FILIP1L: variants seen among roughly 807,000 people sequenced by gnomAD.
FILIP1L encodes filamin A interacting protein 1 like, also known as filamin A-interacting protein 1-like.
Under a neutral mutation model 96.6 loss-of-function variants are expected in FILIP1L, and 55 were observed. That is an observed-to-expected ratio of 0.57 (90% confidence interval 0.46 to 0.71). The LOEUF is 0.71. Among genes scored for constraint, FILIP1L ranks in the 30% least tolerant of loss-of-function variants. The probability of loss-of-function intolerance (pLI) is 0.00; values close to 1 mark genes in which losing one functional copy is unlikely to be tolerated. For synonymous variants in FILIP1L, 467 were observed against 473.9 expected (o/e 0.99, Z 0.19); for missense variants, 1,304 against 1,321.2 (o/e 0.99, Z 0.20).
intron 4 of FILIP1L, among the ~76,000 whole-genome samples, chr3:99,885,680 T>C (rs1481626137): frequency 6.6e-6 from 1 of 152,222 alleles, no homozygotes; most frequent in Admixed American, 6.5e-5. Flanking sequence ...TATATCTCTG[T>C]CATCTATTTG....
intron 1 of FILIP1L, among the ~76,000 whole-genome samples, chr3:99,997,996 C>T (rs1258020638): frequency 1.3e-5 from 2 of 152,198 alleles, no homozygotes; most frequent in African/African-American, 2.4e-5. Context: ...CAGGTTCCTG[C>T]TAGAGCATAG....
At chr3:99,960,588 T>C (rs1442048396) in intron 1 of FILIP1L, among the ~76,000 whole-genome samples, 1 of 152,220 alleles carries the variant, frequency 6.6e-6, no homozygotes. Flanking sequence ...CATCTTCTTC[T>C]ATCCCTCCCT....
intron 1 of FILIP1L, among the ~76,000 whole-genome samples, chr3:99,968,330 G>A (rs1046437770): frequency 6.6e-6 from 1 of 151,966 alleles, no homozygotes; most frequent in East Asian, 1.9e-4. Context: ...TTAGGGGTAC[G>A]AGTGAGAAAC....
chr3:99,936,275 A>G (rs1384825130), intron 1 of FILIP1L, among the ~76,000 whole-genome samples: 1 of 151,250 alleles, frequency 6.6e-6, no homozygotes, highest in Non-Finnish European at 1.5e-5. Context: ...GGTAGCTAAC[A>G]TGTATTCATT....
At chr3:99,951,404 C>T (rs142174774) in intron 1 of FILIP1L, among the ~76,000 whole-genome samples, 67 of 152,234 alleles carry the variant, frequency 4.4e-4, no homozygotes, top group African/African-American at 1.4e-3. Context: ...GGATACCTTG[C>T]GCATAGTATG....
chr3:99,986,149 A>G (rs190409140), intron 1 of FILIP1L, among the ~76,000 whole-genome samples: 23 of 152,332 alleles, frequency 1.5e-4, no homozygotes, highest in Admixed American at 3.9e-4. Context: ...AATTGTTTTT[A>G]TTTTAATAAG....
chr3:100,032,757 T>C (rs190602080), intron 1 of FILIP1L, among the ~76,000 whole-genome samples: 29 of 152,340 alleles, frequency 1.9e-4, no homozygotes, highest in Non-Finnish European at 3.5e-4. Flanking sequence ...AACTCACTTA[T>C]AACAATTGCA....
intron 4 of FILIP1L, among the ~76,000 whole-genome samples, chr3:99,893,454 C>T (rs1223410368): frequency 6.6e-6 from 1 of 152,114 alleles, no homozygotes; most frequent in African/African-American, 2.4e-5. Context: ...CTTGAGCCAC[C>T]TCGCCCAGCC....
intron 4 of FILIP1L, among the ~76,000 whole-genome samples, chr3:99,854,575 G>A (rs1360724805): frequency 1.3e-5 from 2 of 152,050 alleles, no homozygotes; most frequent in Non-Finnish European, 2.9e-5. Context: ...TTGATATTTG[G>A]GGCCAGATAA....
intron 4 of FILIP1L, among the ~76,000 whole-genome samples, chr3:99,892,084 A>C (rs574795741): frequency 6.6e-6 from 1 of 152,354 alleles, no homozygotes; most frequent in Non-Finnish European, 1.5e-5. Context: ...AGCTTCTGCT[A>C]TGCTTTTACC....
intron 1 of FILIP1L, among the ~76,000 whole-genome samples, chr3:100,085,615 A>T (rs1387664217): frequency 1.5e-4 from 23 of 152,076 alleles, no homozygotes; most frequent in Admixed American, 1.4e-3. Flanking sequence ...GGCAAATAAC[A>T]TCCTCAAGCT....
At chr3:100,007,032 T>C (rs1271018564) in intron 1 of FILIP1L, among the ~76,000 whole-genome samples, 1 of 152,248 alleles carries the variant, frequency 6.6e-6, no homozygotes, top group East Asian at 1.9e-4. Context: ...GCTTTCTTAG[T>C]GCCTTAGCTG....
rs566961988 is a variant in FILIP1L at position 99,849,681 on chromosome 3, A to G, written c.1995T>C (p.Asn665=). 6.2e-7 allele frequency: 1 copy of G among 1,613,510 alleles called. No individual in the cohort carries two copies. The highest frequency in any genetic ancestry group is 1.3e-5 in the African/African-American group (1 of 75,010). Residue 665 remains asparagine, a synonymous_variant, in exon 5 of 6, where the codon AAT becomes AAC. Transcript: ENST00000477258. ...EYETLERRYA[N]ERDKAQFLSK... is the part of the protein sequence containing the mutation. ...ATAAAAATTGAGCTTTGTCTCGTTC[A>G]TTAGCATACCTTCGTTCTAGAGTCT...
intron 1 of FILIP1L, among the ~76,000 whole-genome samples, chr3:100,062,145 T>A (rs2065581318): frequency 7.5e-6 from 1 of 133,960 alleles, no homozygotes; most frequent in Non-Finnish European, 1.6e-5. Flanking sequence ...GGAGTGTTGC[T>A]CTGTCCCCCA....
chr3:99,875,970 T>G, intron 4 of FILIP1L: 1 of 784,306 alleles, frequency 1.3e-6, no homozygotes, highest in Non-Finnish European at 1.5e-6. Context: ...CTGTCTGCAG[T>G]TTGTGATGCT....
rs1942601883 is a variant in FILIP1L at position 99,829,379 on chromosome 3, G to A, written c.*1035C>T. Among the ~76,000 whole-genome samples the A allele has an allele frequency of 1.3e-5, 2 of 152,186 alleles. No individual in the cohort carries two copies. The highest frequency in any genetic ancestry group is 2.9e-5 in the Non-Finnish European group (2 of 68,036). On this transcript the variant is annotated 3_prime_UTR_variant, in exon 6 of 6. Transcript: ENST00000477258. The stretch of plus-strand genomic sequence containing the variant: ...TCAATTCAATGAGAGAGTTTTCAGT[G>A]TGATGTAAAGAATTGCTTTAGCTTT...
In FILIP1L at chr3:100,086,039, ATGATTCG is replaced by A. The variant is rs1392082685; in HGVS notation, c.-11+28007_-11+28013del. On this transcript the variant is annotated intron_variant, in intron 1 of 5. Transcript: ENST00000477258. Reference sequence around the variant, plus strand: ...AAGTACATCTGCATTTGAATAAAATATGATTCGTGTTAGAGAGCTAAACTTGATGTTT... The same window carrying A: ...AAGTACATCTGCATTTGAATAAAATATGTTAGAGAGCTAAACTTGATGTTT... Among the ~76,000 whole-genome samples the A allele has an allele frequency of 4.6e-5, 7 of 152,360 alleles. No individual in the cohort carries two copies. The East Asian group carries it at 1.3e-3, about 29-fold the overall frequency.
chr3:100,089,816 G>A (rs1292425580), intron 1 of FILIP1L, among the ~76,000 whole-genome samples: 2 of 152,164 alleles, frequency 1.3e-5, no homozygotes, highest in African/African-American at 2.4e-5. Flanking sequence ...GTCATATTAG[G>A]AACAACTGGA....
At chr3:100,105,121 G>A (rs1037695763) in intron 1 of FILIP1L, among the ~76,000 whole-genome samples, 7 of 152,092 alleles carry the variant, frequency 4.6e-5, no homozygotes, top group African/African-American at 1.4e-4. Context: ...AGTAAGCATT[G>A]TTTAAGTCTC....
Sources: allele counts gnomAD v4.1 joint callset (sites outside exome capture counted in the v4.1 genomes callset), GRCh38; gene constraint gnomAD v4.1.1; transcripts MANE v1.5; gene names NCBI Gene and HGNC (gene_info 2026-07-23, HGNC 2026-07-21).